Variants in CHCHD6 observed in about 807,000 individuals in gnomAD.
The protein encoded by CHCHD6 is MICOS complex subunit MIC25.
In CHCHD6, 28 loss-of-function variants were observed where a neutral mutation model predicts 32.3. The observed-to-expected ratio is 0.87, with a 90% confidence interval of 0.64 to 1.19. The LOEUF (loss-of-function observed/expected upper bound fraction) is 1.19. Among genes scored for constraint, CHCHD6 ranks in the 50% most tolerant of loss-of-function variants. The pLI is 0.00. For synonymous variants in CHCHD6, 122 were observed against 117.5 expected (o/e 1.04, Z -0.25); for missense variants, 333 against 307.0 (o/e 1.08, Z -0.63).
At chr3:126,904,927 G>T (rs1005709401) in intron 5 of CHCHD6, among the ~76,000 whole-genome samples, 1 of 152,312 alleles carries the variant, frequency 6.6e-6, no homozygotes, top group African/African-American at 2.4e-5. Context: ...GGGGTGCCCT[G>T]GTGGATGAGG....
intron 4 of CHCHD6, among the ~76,000 whole-genome samples, chr3:126,781,447 T>G (rs1937937382): frequency 6.6e-6 from 1 of 152,230 alleles, no homozygotes; most frequent in Admixed American, 6.5e-5. Flanking sequence ...GTTTTTTCTT[T>G]AAGGGATTTT....
intron 6 of CHCHD6, 117 bp downstream of exon 6, chr3:126,914,867 A>T: frequency 1.4e-6 from 1 of 691,676 alleles, no homozygotes; most frequent in Non-Finnish European, 2.6e-6. Flanking sequence ...AATACACACA[A>T]CCATCTGTTC....
chr3:126,759,063 C>CCAGCCCTGCGGCCTCCTG (rs1262472911), intron 4 of CHCHD6, among the ~76,000 whole-genome samples: 18 of 152,202 alleles, frequency 1.2e-4, no homozygotes, highest in Admixed American at 6.5e-4. Context: ...TCTCGCCAGT[C>CCAGCCCTGCGGCCTCCTG]CAGCCCTGCG....
At chr3:126,889,159 G>T (rs1486318055) in intron 5 of CHCHD6, among the ~76,000 whole-genome samples, 1 of 152,162 alleles carries the variant, frequency 6.6e-6, no homozygotes, top group Non-Finnish European at 1.5e-5. Flanking sequence ...GGACTAGAAG[G>T]CCTAGGAATG....
In CHCHD6 at chr3:126,957,339, G is replaced by A. The variant is rs563082137; in HGVS notation, c.567-77G>A. ...TTAGCCTAGCGCCTGGGAGGTAGGT[G>A]GAGTGAATGTGAGTTGTTTCTCTCC... is the stretch of plus-strand genomic sequence containing the variant. On this transcript the variant is annotated intron_variant, in intron 6 of 7. Transcript: ENST00000290913. 1.1e-4 allele frequency: 168 copies of A among 1,530,320 alleles called. 2 individuals carry two copies. The South Asian group carries it at 1.9e-3, about 17-fold the overall frequency. 94.8% of individuals were successfully genotyped at this position (1,530,320 alleles called of 1,614,324 possible). A position where few individuals can be genotyped will look rare whatever the true frequency, so the allele number is the denominator to read the frequency against.
intron 5 of CHCHD6, among the ~76,000 whole-genome samples, chr3:126,863,573 C>A (rs1476146177): frequency 8.0e-5 from 10 of 124,520 alleles, no homozygotes; most frequent in East Asian, 2.8e-4. Flanking sequence ...TCCACCATCA[C>A]CACCTCCTCC....
chr3:126,727,637 G>A (rs1354216790), intron 2 of CHCHD6, among the ~76,000 whole-genome samples: 1 of 152,196 alleles, frequency 6.6e-6, no homozygotes, highest in Non-Finnish European at 1.5e-5. Flanking sequence ...TGAGCCTCAG[G>A]CCGAGAGCTC....
At chr3:126,867,048 C>G (rs919952373) in intron 5 of CHCHD6, among the ~76,000 whole-genome samples, 24 of 152,170 alleles carry the variant, frequency 1.6e-4, no homozygotes, top group African/African-American at 5.8e-4. Flanking sequence ...ACAGCAGACC[C>G]CAGCCTGGAT....
intron 4 of CHCHD6, among the ~76,000 whole-genome samples, chr3:126,824,823 C>T (rs977176370): frequency 6.6e-6 from 1 of 152,028 alleles, no homozygotes; most frequent in Non-Finnish European, 1.5e-5. Context: ...AGGTGATCCG[C>T]CCACCTCAGC....
chr3:126,844,953 G>A (rs1412036577), intron 4 of CHCHD6, among the ~76,000 whole-genome samples: 1 of 152,188 alleles, frequency 6.6e-6, no homozygotes, highest in Non-Finnish European at 1.5e-5. Flanking sequence ...ACTGGAAAAG[G>A]TAAGGAAATA....
intron 5 of CHCHD6, among the ~76,000 whole-genome samples, chr3:126,909,158 G>T (rs1286501037): frequency 6.6e-6 from 1 of 152,212 alleles, no homozygotes; most frequent in Non-Finnish European, 1.5e-5. Context: ...CTTGGGAGGT[G>T]GTTAGGGGGT....
chr3:126,769,001 G>A (rs1937489102), intron 4 of CHCHD6, among the ~76,000 whole-genome samples: 1 of 152,180 alleles, frequency 6.6e-6, no homozygotes, highest in Non-Finnish European at 1.5e-5. Flanking sequence ...CGTTTACTCT[G>A]TTGATAGTTT....
chr3:126,939,189 C>T (rs2078524002), intron 6 of CHCHD6, among the ~76,000 whole-genome samples: 1 of 152,094 alleles, frequency 6.6e-6, no homozygotes, highest in Non-Finnish European at 1.5e-5. Context: ...CGGGGTGTGG[C>T]GAGGGAACAC....
At chr3:126,942,306 G>A (rs907458800) in intron 6 of CHCHD6, among the ~76,000 whole-genome samples, 5 of 152,100 alleles carry the variant, frequency 3.3e-5, no homozygotes, top group African/African-American at 1.2e-4. Context: ...ATTTTGTGGG[G>A]GAGATACTCC....
chr3:126,901,227 G>A (rs1486163328), intron 5 of CHCHD6, among the ~76,000 whole-genome samples: 1 of 152,156 alleles, frequency 6.6e-6, no homozygotes, highest in Non-Finnish European at 1.5e-5. Context: ...GACCCAGGGT[G>A]GTGTAGCCTA....
chr3:126,912,432 CT>C (rs1478532858), intron 5 of CHCHD6, among the ~76,000 whole-genome samples: 1 of 152,050 alleles, frequency 6.6e-6, no homozygotes, highest in African/African-American at 2.4e-5. Context: ...CTGGAGCCCC[CT>C]TGCTGGGCAT....
chr3:126,806,112 A>G (rs1049009315), intron 4 of CHCHD6, among the ~76,000 whole-genome samples: 11 of 152,240 alleles, frequency 7.2e-5, no homozygotes, highest in African/African-American at 2.7e-4. Context: ...AAGAAAACCT[A>G]GACATTACCA....
At chr3:126,762,480 T>C (rs1355518779) in intron 4 of CHCHD6, among the ~76,000 whole-genome samples, 1 of 152,194 alleles carries the variant, frequency 6.6e-6, no homozygotes, top group Non-Finnish European at 1.5e-5. Context: ...CTTCATTCCA[T>C]TGTGGTTGGA....
At chr3:126,704,832 A>G (rs1341579324) in intron 1 of CHCHD6, among the ~76,000 whole-genome samples, 1 of 152,106 alleles carries the variant, frequency 6.6e-6, no homozygotes, top group Non-Finnish European at 1.5e-5. Flanking sequence ...TCCACAGCAC[A>G]TCTGCGGGGC....
Sources: allele counts gnomAD v4.1 joint callset (sites outside exome capture counted in the v4.1 genomes callset), GRCh38; gene constraint gnomAD v4.1.1; transcripts MANE v1.5; gene names NCBI Gene and HGNC (gene_info 2026-07-23, HGNC 2026-07-21).